BCL11A: variants seen among roughly 807,000 people sequenced by gnomAD.
BCL11A encodes the protein B cell CLL/lymphoma 11A.
In BCL11A, 2 loss-of-function variants were observed where a neutral mutation model predicts 55.9. That is an observed-to-expected ratio of 0.04 (90% CI 0.01 to 0.11). The LOEUF (loss-of-function observed/expected upper bound fraction) is 0.11, where lower values mean the gene tolerates loss of function less well. Among genes scored for constraint, BCL11A ranks in the 10% least tolerant of loss-of-function variants. The pLI is 1.00. For synonymous variants in BCL11A, 465 were observed against 473.4 expected (o/e 0.98, Z 0.23); for missense variants, 817 against 1,137.1 (o/e 0.72, Z 4.05).
chr2:60,519,539 T>TTGCCTGCCTGCCTGCCTGCCTGCC (rs3028029), intron 2 of BCL11A, among the ~76,000 whole-genome samples: 37 of 147,630 alleles, frequency 2.5e-4, no homozygotes, highest in Middle Eastern at 3.4e-3. Context: ...AGGTCCTCAC[T>TTGCCTGCCTGCCTGCCTGCCTGCC]TGCCTGCCTG....
intron 2 of BCL11A, chr2:60,542,535 A>C (rs1260488435): frequency 6.6e-6 from 1 of 152,216 alleles, no homozygotes; most frequent in Non-Finnish European, 1.5e-5. Flanking sequence ...GGCCCACACA[A>C]CATAAGCTGC....
At position 60,460,244 on chromosome 2, in the gene BCL11A, A is replaced by G. The variant is rs538290922; in HGVS notation, c.*160T>C. On this transcript the variant is annotated 3_prime_UTR_variant, in exon 4 of 4. Coordinates refer to ENST00000642384, the MANE Select transcript of BCL11A (RefSeq NM_022893.4). ...AGGTGTGCTGGTGACAAGCACTCTCATATTCTTAGCTTCGTTACTTCTGTT... is the reference window on the plus strand; with the variant it reads ...AGGTGTGCTGGTGACAAGCACTCTCGTATTCTTAGCTTCGTTACTTCTGTT... 30 of 1,397,458 alleles carry G rather than the reference A, an allele frequency of 2.1e-5. 1 individual carries two copies. In the Admixed American group the frequency reaches 7.9e-4, roughly 37 times the overall value. 86.6% of individuals were successfully genotyped at this position (1,397,458 alleles called of 1,614,324 possible).
At chr2:60,552,550 G>C (rs1355012418) in intron 1 of BCL11A, among the ~76,000 whole-genome samples, 4 of 152,176 alleles carry the variant, frequency 2.6e-5, no homozygotes, top group Non-Finnish European at 5.9e-5. Context: ...GTCCTTCCCG[G>C]TCCCACGGCT....
intron 2 of BCL11A, among the ~76,000 whole-genome samples, chr2:60,512,017 T>A (rs553739069): frequency 6.6e-6 from 1 of 152,114 alleles, no homozygotes; most frequent in Middle Eastern, 3.2e-3. Context: ...GCCAAAGACA[T>A]AGTAACGCTT....
rs200644479 is a variant in BCL11A, at chr2:60,461,118, G to C, written c.1794C>G (p.Asp598Glu). The C allele has an allele frequency of 8.1e-6, 13 of 1,609,720 alleles. No homozygotes were observed. The highest frequency in any genetic ancestry group is 1.1e-5 in the Non-Finnish European group (13 of 1,178,562). The change falls in exon 4 of 4, where the codon GAC (aspartate) becomes GAG (glutamate). Residue 598 changes from aspartate (D) to glutamate (E), a missense_variant. Physicochemically the swap from Asp to Glu is conservative, Grantham distance 45. Coordinates refer to ENST00000642384, the MANE Select transcript of BCL11A (RefSeq NM_022893.4). ...AGCCGCGGCCATTAACAGTGCCATC[G>C]TCTATGCGGTCCGACTCGCCGGCCA... ...DSVAGESDRI[D>E]DGTVNGRGCS...
At chr2:60,513,067 C>G (rs761134003) in intron 2 of BCL11A, among the ~76,000 whole-genome samples, 4 of 152,190 alleles carry the variant, frequency 2.6e-5, no homozygotes, top group Non-Finnish European at 4.4e-5. Flanking sequence ...ACCCCCAGAA[C>G]AGTCACCATT....
At chr2:60,465,893 G>C (rs1676576834) in intron 3 of BCL11A, among the ~76,000 whole-genome samples, 1 of 152,194 alleles carries the variant, frequency 6.6e-6, no homozygotes, top group Non-Finnish European at 1.5e-5. Context: ...TCCCAGTCCA[G>C]GCCTTAACCC....
At chr2:60,524,326 C>T (rs1669116736) in intron 2 of BCL11A, among the ~76,000 whole-genome samples, 1 of 152,138 alleles carries the variant, frequency 6.6e-6, no homozygotes, top group Admixed American at 6.5e-5. Context: ...TGTCACCTAT[C>T]TCTGGCATGA....
At chr2:60,483,454 C>G (rs900245524) in intron 2 of BCL11A, among the ~76,000 whole-genome samples, 2 of 152,196 alleles carry the variant, frequency 1.3e-5, no homozygotes, top group Non-Finnish European at 2.9e-5. Flanking sequence ...CAGGCAAGTC[C>G]CCAGGTATAG....
At chr2:60,552,799 A>G (rs918529561) in intron 1 of BCL11A, among the ~76,000 whole-genome samples, 1 of 151,682 alleles carries the variant, frequency 6.6e-6, no homozygotes, top group East Asian at 1.9e-4. Flanking sequence ...AGTGGGAAGC[A>G]ACCTCCCTTT....
chr2:60,467,189 ATGGTGG>A (rs1206647252), intron 3 of BCL11A, among the ~76,000 whole-genome samples: 6 of 51,166 alleles, frequency 1.2e-4, no homozygotes, highest in African/African-American at 4.8e-4. Context: ...GGTGGTGGTG[ATGGTGG>A]TGGTGATGGC....
intron 2 of BCL11A, among the ~76,000 whole-genome samples, chr2:60,491,910 A>T (rs1678663345): frequency 6.6e-6 from 1 of 152,226 alleles, no homozygotes; most frequent in Non-Finnish European, 1.5e-5. Context: ...CAAATCTGCC[A>T]AATAAATGAA....
chr2:60,522,090 C>A (rs943359592), intron 2 of BCL11A: 3 of 152,246 alleles, frequency 2.0e-5, no homozygotes. Flanking sequence ...ATACTGCTCT[C>A]CACCAGTCAG....
chr2:60,496,312 C>T (rs182145554), intron 2 of BCL11A, among the ~76,000 whole-genome samples: 8 of 152,322 alleles, frequency 5.3e-5, no homozygotes, highest in African/African-American at 1.9e-4. Flanking sequence ...AGTGGACCAT[C>T]CCAGTGGTGT....
chr2:60,472,622 T>C (rs1677271832), intron 2 of BCL11A, among the ~76,000 whole-genome samples: 2 of 152,250 alleles, frequency 1.3e-5, no homozygotes, highest in Non-Finnish European at 2.9e-5. Flanking sequence ...TTGGTCACTT[T>C]ACATTTCTAC....
chr2:60,463,921 G>T (rs1326333221), intron 3 of BCL11A, among the ~76,000 whole-genome samples: 1 of 105,456 alleles, frequency 9.5e-6, no homozygotes, highest in Non-Finnish European at 2.0e-5. Context: ...TTTCTAAGAA[G>T]GAAAAAAAAA....
At position 60,461,476 on chromosome 2, in the gene BCL11A, A is replaced by T; in HGVS notation, c.1436T>A (p.Ile479Asn). ...KFKSENDPNL[I>N]PENGDEEEEE... ...TTCCTCCTCGTCCCCGTTCTCCGGG[A>T]TCAGGTTGGGGTCGTTCTCGCTCTT... Residue 479 changes from isoleucine (I) to asparagine (N), a missense_variant, in exon 4 of 4, where the codon ATC becomes AAC. Ile to Asn is a moderately radical substitution (Grantham distance 149). This residue lies in a region of BCL11A where 379 missense variants were observed against 425.3 expected (regional missense o/e 0.89). Transcript: ENST00000642384. 1 of 1,604,382 alleles carries T rather than the reference A, an allele frequency of 6.2e-7. No homozygotes were observed. Among genetic ancestry groups the T allele is most frequent in the Non-Finnish European group, 8.5e-7 (1 of 1,179,672 alleles).
intron 2 of BCL11A, among the ~76,000 whole-genome samples, chr2:60,477,058 C>G (rs1677649344): frequency 6.6e-6 from 1 of 152,196 alleles, no homozygotes; most frequent in Non-Finnish European, 1.5e-5. Flanking sequence ...CTCCCTGCCC[C>G]ACTCGAGAAA....
At chr2:60,507,207 A>G (rs113301487) in intron 2 of BCL11A, among the ~76,000 whole-genome samples, 5 of 89,502 alleles carry the variant, frequency 5.6e-5, no homozygotes, top group African/African-American at 1.4e-4. Flanking sequence ...GACAAGGAAG[A>G]AAGGAAGGAA....
Sources: allele counts gnomAD v4.1 joint callset (sites outside exome capture counted in the v4.1 genomes callset), GRCh38; gene constraint gnomAD v4.1.1; regional missense constraint gnomAD v4.1.1; transcripts MANE v1.5; gene names NCBI Gene and HGNC (gene_info 2026-07-23, HGNC 2026-07-21).